Variants in ERG observed in about 807,000 individuals in gnomAD.
The protein encoded by ERG is transcriptional regulator ERG.
In ERG, 9 loss-of-function variants were observed where a neutral mutation model predicts 55.3. The observed-to-expected ratio is 0.16, with a 90% CI of 0.10 to 0.28. ERG has a LOEUF of 0.28. Ranked by LOEUF, ERG falls within the 10% of genes least tolerant of loss-of-function variation. The pLI, the probability that ERG is intolerant of heterozygous loss-of-function variation, is 1.00. For missense variants in ERG, 434 were observed against 631.6 expected, an observed-to-expected ratio of 0.69 and a Z score of 3.35; for synonymous variants, 223 against 237.3, an observed-to-expected ratio of 0.94 and a Z score of 0.55.
chr21:38,639,213 C>T (rs1456070924), intron 1 of ERG, among the ~76,000 whole-genome samples: 2 of 152,200 alleles, frequency 1.3e-5, no homozygotes, highest in African/African-American at 4.8e-5. Flanking sequence ...CCTGGGCACA[C>T]AGTTTCCTAG....
chr21:38,509,163 T>C (rs2059492398), intron 2 of ERG, among the ~76,000 whole-genome samples: 1 of 152,194 alleles, frequency 6.6e-6, no homozygotes, highest in South Asian at 2.1e-4. Flanking sequence ...AAAGTGATCA[T>C]TGTGATTTTA....
intron 1 of ERG, among the ~76,000 whole-genome samples, chr21:38,475,640 G>A (rs11701454): frequency 0.089 from 13,608 of 152,206 alleles, 818 homozygotes; most frequent in Non-Finnish European, 0.13. Context: ...GGCCTTGCCT[G>A]ATCATGTTCT....
At chr21:38,625,256 T>A (rs1018418118) in intron 1 of ERG, among the ~76,000 whole-genome samples, 1 of 152,204 alleles carries the variant, frequency 6.6e-6, no homozygotes, top group Non-Finnish European at 1.5e-5. Flanking sequence ...AGGCTTGTGA[T>A]GGAAGAATAC....
In ERG at chr21:38,382,822, A is replaced by T; in HGVS notation, c.*581T>A. ...TTGGGTCATCTTCACAGTTTGAGAA[A>T]GCTGACAGCTGTCCATCAAACGGAA... is the stretch of plus-strand genomic sequence containing the variant. On this transcript the variant is annotated 3_prime_UTR_variant, in exon 10 of 10. Transcript: ENST00000288319. The T allele has an allele frequency of 9.4e-7, 1 of 1,066,308 alleles. No individual in the cohort carries two copies. The allele number at this position is 1,066,308 out of a possible 1,614,324, so 66.1% of individuals were successfully genotyped here.
chr21:38,442,206 C>T (rs1378832667), intron 2 of ERG, among the ~76,000 whole-genome samples: 1 of 152,052 alleles, frequency 6.6e-6, no homozygotes, highest in Non-Finnish European at 1.5e-5. Context: ...CCAGCCTGGC[C>T]AACATGGTGA....
chr21:38,428,382 G>A (rs966086842), intron 2 of ERG, among the ~76,000 whole-genome samples: 6 of 152,078 alleles, frequency 3.9e-5, no homozygotes, highest in Admixed American at 1.3e-4. Flanking sequence ...ACACATCGCC[G>A]GGAAAAAGTT....
At chr21:38,651,352 T>C (rs912038499) in intron 1 of ERG, among the ~76,000 whole-genome samples, 4 of 152,186 alleles carry the variant, frequency 2.6e-5, no homozygotes, top group Non-Finnish European at 4.4e-5. Context: ...TTATATTAAA[T>C]TTGAATTCCT....
intron 1 of ERG, among the ~76,000 whole-genome samples, chr21:38,631,830 C>T (rs940352167): frequency 1.3e-5 from 2 of 151,988 alleles, no homozygotes; most frequent in Non-Finnish European, 2.9e-5. Flanking sequence ...TCAGGAAGCA[C>T]GTCAGCCCTG....
rs201495144 is a variant in ERG at position 38,509,241 on chromosome 21, TAAG to T, written c.-41+66418_-41+66420del. On this transcript the variant is annotated intron_variant, in intron 2 of 8. Coordinates refer to the ERG transcript ENST00000398897. Reference sequence around the variant, plus strand: ...ATCGGCATACCATCAGAAGATTCCTTAAGAAGAAACTTTTGCAACGTTGCTACA... The same window carrying T: ...ATCGGCATACCATCAGAAGATTCCTTAAGAAACTTTTGCAACGTTGCTACA... Among the ~76,000 whole-genome samples the T allele has an allele frequency of 3.7e-3, 567 of 152,288 alleles. 19 individuals carry two copies. The East Asian group carries it at 0.068, about 18-fold the overall frequency.
At chr21:38,649,691 G>A (rs971147815) in intron 1 of ERG, among the ~76,000 whole-genome samples, 1 of 152,202 alleles carries the variant, frequency 6.6e-6, no homozygotes, top group Non-Finnish European at 1.5e-5. Context: ...GGACATGCAG[G>A]AGGCCTTGGA....
At chr21:38,606,675 A>G (rs890233173) in intron 1 of ERG, among the ~76,000 whole-genome samples, 8 of 152,346 alleles carry the variant, frequency 5.3e-5, no homozygotes, top group East Asian at 3.9e-4. Flanking sequence ...GTATAAATCA[A>G]TAACAGACAG....
At chr21:38,425,976 T>C (rs997176401) in intron 2 of ERG, among the ~76,000 whole-genome samples, 1 of 152,220 alleles carries the variant, frequency 6.6e-6, no homozygotes, top group East Asian at 1.9e-4. Context: ...CAGCATCACT[T>C]ACAAATGTGT....
intron 2 of ERG, among the ~76,000 whole-genome samples, chr21:38,531,035 C>T (rs2059668810): frequency 6.6e-6 from 1 of 152,180 alleles, no homozygotes; most frequent in African/African-American, 2.4e-5. Flanking sequence ...CAAACCACAG[C>T]TTTCCTTAAT....
chr21:38,582,196 G>C (rs2060034012), intron 1 of ERG, among the ~76,000 whole-genome samples: 2 of 152,162 alleles, frequency 1.3e-5, no homozygotes, highest in Non-Finnish European at 2.9e-5. Flanking sequence ...GTTCTAGCAA[G>C]TTGTTGCACC....
intron 2 of ERG, 85 bp downstream of exon 2, chr21:38,445,319 A>G (rs1268151117): frequency 1.1e-5 from 12 of 1,049,988 alleles, no homozygotes; most frequent in Admixed American, 4.1e-5. Context: ...CAATCTTTAG[A>G]GAAGCATGAC....
At chr21:38,429,622 C>CAT (rs1186550080) in intron 2 of ERG, among the ~76,000 whole-genome samples, 6 of 142,110 alleles carry the variant, frequency 4.2e-5, no homozygotes, top group African/African-American at 1.0e-4. Context: ...TACATATATA[C>CAT]ATATGTGTAT....
At chr21:38,608,073 C>A (rs1265744495) in intron 1 of ERG, among the ~76,000 whole-genome samples, 1 of 152,102 alleles carries the variant, frequency 6.6e-6, no homozygotes, top group African/African-American at 2.4e-5. Context: ...ACAGTAACAA[C>A]TACAAATATA....
chr21:38,420,058 G>A (rs547397324), intron 3 of ERG, among the ~76,000 whole-genome samples: 4 of 149,012 alleles, frequency 2.7e-5, no homozygotes, highest in South Asian at 2.1e-4. Context: ...TCAGCTATCC[G>A]TGTGATTTGC....
chr21:38,424,580 C>T (rs1369653778), intron 2 of ERG, among the ~76,000 whole-genome samples: 1 of 152,176 alleles, frequency 6.6e-6, no homozygotes, highest in Admixed American at 6.5e-5. Context: ...TTTGTTCTCG[C>T]GGTGTGACAG....
Sources: allele counts gnomAD v4.1 joint callset (sites outside exome capture counted in the v4.1 genomes callset), GRCh38; gene constraint gnomAD v4.1.1; transcripts MANE v1.5; gene names NCBI Gene and HGNC (gene_info 2026-07-23, HGNC 2026-07-21).